FAM83F: variants seen among roughly 807,000 people sequenced by gnomAD.
FAM83F encodes scaffolding CK1 anchoring protein F, also known as protein FAM83F.
FAM83F carries 45 observed loss-of-function variants against 42.9 expected under a neutral mutation model. The observed-to-expected ratio is 1.05, with a 90% CI of 0.83 to 1.35. The LOEUF (loss-of-function observed/expected upper bound fraction) is 1.35, where lower values mean the gene tolerates loss of function less well. Ranked by LOEUF, FAM83F falls within the 40% of genes most tolerant of loss-of-function variation. The pLI is 0.00. For missense variants in FAM83F, 617 were observed against 695.9 expected (o/e 0.89, Z 1.28); for synonymous variants, 306 against 298.3 (o/e 1.03, Z -0.27).
chr22:40,008,800 G>A (rs752222608), intron 1 of FAM83F, among the ~76,000 whole-genome samples: 9 of 152,178 alleles, frequency 5.9e-5, no homozygotes, highest in Admixed American at 2.0e-4. Context: ...CATAGACCTT[G>A]ATCCTCTCTT....
At position 40,041,908 on chromosome 22, in the gene FAM83F, A is replaced by C. The variant is rs2067652364; in HGVS notation, c.*12343A>C. 2 of 151,548 alleles carry C rather than the reference A, an allele frequency of 1.3e-5. No individual in the cohort carries two copies. Among genetic ancestry groups the C allele is most frequent in the African/African-American group, 4.9e-5 (2 of 41,148 alleles). The allele number at this position is 151,548 out of a possible 1,614,324, so 9.4% of individuals were successfully genotyped here. On this transcript the variant is annotated 3_prime_UTR_variant, in exon 5 of 5. Transcript: ENST00000333407. ...GAGACAGGGTCTTGCTCTATTGCCC[A>C]GGCTGGAGTGCAGTGGTGTGGCTCA...
Sources: allele counts gnomAD v4.1 joint callset (sites outside exome capture counted in the v4.1 genomes callset), GRCh38; gene constraint gnomAD v4.1.1; transcripts MANE v1.5; gene names NCBI Gene and HGNC (gene_info 2026-07-23, HGNC 2026-07-21).